The following RGSL1 variants were observed in gnomAD, a reference collection of about 807,000 sequenced individuals.
RGSL1 encodes the protein regulator of G protein signaling like 1.
A neutral mutation model predicts 124.7 loss-of-function variants in RGSL1; 97 were observed. The observed-to-expected ratio is 0.78, with a 90% CI of 0.66 to 0.92. RGSL1 has a LOEUF of 0.92. Among genes scored for constraint, RGSL1 ranks in the 40% least tolerant of loss-of-function variants. The pLI, the probability that RGSL1 is intolerant of heterozygous loss-of-function variation, is 0.00. For synonymous variants in RGSL1, 424 were observed against 438.1 expected, an observed-to-expected ratio of 0.97 and a Z score of 0.40; for missense variants, 1,233 against 1,288.4, an observed-to-expected ratio of 0.96 and a Z score of 0.66.
intron 7 of RGSL1, 26 bp from the exon 8 acceptor site, chr1:182,488,954 A>G: frequency 6.5e-7 from 1 of 1,534,796 alleles, no homozygotes; most frequent in Non-Finnish European, 8.8e-7. Context: ...AACAAATGCC[A>G]TCTTCCCCTC....
At chr1:182,531,221 C>T (rs1022966959) in intron 13 of RGSL1, among the ~76,000 whole-genome samples, 1 of 152,144 alleles carries the variant, frequency 6.6e-6, no homozygotes, top group African/African-American at 2.4e-5. Flanking sequence ...ACTGGTCTAA[C>T]GGAACAACTT....
chr1:182,516,690 CT>C (rs1657921383), intron 9 of RGSL1, among the ~76,000 whole-genome samples: 1 of 114,256 alleles, frequency 8.8e-6, no homozygotes, highest in South Asian at 2.9e-4. Flanking sequence ...GTTAATCTAT[CT>C]TAGATCATAA....
rs774441636 is a variant in RGSL1 at position 182,489,215 on chromosome 1, A to G, written c.1717+13A>G. The G allele has an allele frequency of 1.9e-6, 3 of 1,545,500 alleles. No individual in the cohort carries two copies. Among genetic ancestry groups the G allele is most frequent in the South Asian group, 2.4e-5 (2 of 82,560 alleles). ...GTGTTTCTAACAGGTCAGAGCAGTC[A>G]CTGTAATTTTTTTGACCTTTACATA... On this transcript the variant is annotated intron_variant, in intron 8 of 21. Transcript: ENST00000294854.
At chr1:182,529,956 C>T (rs1429403988) in intron 11 of RGSL1, among the ~76,000 whole-genome samples, 1 of 152,168 alleles carries the variant, frequency 6.6e-6, no homozygotes, top group East Asian at 1.9e-4. Context: ...GTTTTTCAAA[C>T]CAGCTGCAGA....
chr1:182,538,231 TA>T (rs1488054379), intron 14 of RGSL1, among the ~76,000 whole-genome samples: 2 of 152,148 alleles, frequency 1.3e-5, no homozygotes, highest in African/African-American at 4.8e-5. Context: ...GACGTTCCGA[TA>T]AAAAAGTTTC....
chr1:182,497,899 C>T (rs748899231), intron 9 of RGSL1, among the ~76,000 whole-genome samples: 1 of 152,080 alleles, frequency 6.6e-6, no homozygotes, highest in Non-Finnish European at 1.5e-5. Context: ...GTTCCCACCC[C>T]TCTTTTTGTA....
chr1:182,547,194 G>A (rs900881305), intron 15 of RGSL1, among the ~76,000 whole-genome samples: 17 of 152,224 alleles, frequency 1.1e-4, no homozygotes, highest in African/African-American at 3.9e-4. Flanking sequence ...AATGAGGATG[G>A]CAGAAAAGAC....
At chr1:182,468,272 T>A (rs537241490) in intron 4 of RGSL1, among the ~76,000 whole-genome samples, 3 of 152,184 alleles carry the variant, frequency 2.0e-5, no homozygotes, top group Non-Finnish European at 4.4e-5. Flanking sequence ...ACTGGGTACA[T>A]ACTGAAAGGA....
intron 10 of RGSL1, among the ~76,000 whole-genome samples, chr1:182,527,308 T>C (rs1658820014): frequency 6.6e-6 from 1 of 151,954 alleles, no homozygotes; most frequent in South Asian, 2.1e-4. Flanking sequence ...AAAAAGAGAA[T>C]TCCCTTGAAA....
At chr1:182,552,843 A>G (rs548473943) in intron 18 of RGSL1, among the ~76,000 whole-genome samples, 24 of 151,636 alleles carry the variant, frequency 1.6e-4, no homozygotes, top group Non-Finnish European at 2.8e-4. Context: ...TAACAAACCC[A>G]CTCCCATGAT....
intron 9 of RGSL1, among the ~76,000 whole-genome samples, chr1:182,515,419 C>G (rs770802087): frequency 6.6e-6 from 1 of 151,724 alleles, no homozygotes; most frequent in Non-Finnish European, 1.5e-5. Context: ...CTGCACGGAT[C>G]TGTTTAGATT....
upstream of RGSL1, chr1:182,450,051 G>C: frequency 8.1e-7 from 1 of 1,236,324 alleles, no homozygotes; most frequent in Non-Finnish European, 1.2e-6. Flanking sequence ...CTGCCAGATA[G>C]AATCTGGAAC....
intron 10 of RGSL1, among the ~76,000 whole-genome samples, chr1:182,522,389 G>A (rs1658415105): frequency 6.6e-6 from 1 of 152,150 alleles, no homozygotes; most frequent in Non-Finnish European, 1.5e-5. Context: ...CATGAGTGTA[G>A]TATAACTTAT....
intron 13 of RGSL1, among the ~76,000 whole-genome samples, 200 bp downstream of exon 13, chr1:182,531,110 A>T (rs1659143326): frequency 6.6e-6 from 1 of 152,160 alleles, no homozygotes; most frequent in Non-Finnish European, 1.5e-5. Context: ...GGACACATGG[A>T]GTTCTTCTAG....
intron 20 of RGSL1, chr1:182,555,788 C>A: frequency 5.7e-6 from 3 of 523,940 alleles, no homozygotes; most frequent in Non-Finnish European, 1.0e-5. Flanking sequence ...GCCCAGAAGA[C>A]AAACCAGATA....
At chr1:182,450,479 A>G (rs1340171857) in intron 1 of RGSL1, 2 of 447,558 alleles carry the variant, frequency 4.5e-6, no homozygotes, top group East Asian at 7.0e-5. Context: ...GTTTGAGATT[A>G]TGCAGTGATT....
intron 14 of RGSL1, among the ~76,000 whole-genome samples, chr1:182,535,897 C>T (rs953452025): frequency 2.4e-4 from 37 of 152,136 alleles, no homozygotes; most frequent in Admixed American, 2.2e-3. Context: ...TGCTTCATCA[C>T]AAGAAATTCC....
intron 1 of RGSL1, among the ~76,000 whole-genome samples, chr1:182,452,392 A>G (rs1651916075): frequency 6.6e-6 from 1 of 152,082 alleles, no homozygotes; most frequent in Admixed American, 6.5e-5. Flanking sequence ...AAAAAGATGT[A>G]TGTGAACAGA....
At position 182,522,054 on chromosome 1, in the gene RGSL1, A is replaced by G. The variant is rs1242960321; in HGVS notation, c.1876A>G (p.Arg626Gly). 1.9e-6 allele frequency: 3 copies of G among 1,549,354 alleles called. No individual in the cohort carries two copies. The highest frequency in any genetic ancestry group is 8.7e-7 in the Non-Finnish European group (1 of 1,146,380). Residue 626 changes from arginine to glycine, a missense_variant, in exon 10 of 22, where the codon AGG becomes GGG. By Grantham distance (125) the Arg-to-Gly change is moderately radical. Coordinates refer to ENST00000294854, the MANE Select transcript of RGSL1 (RefSeq NM_001137669.2). ...KETKTVSRSN[R>G]KMSLLKRTLV... ...AACAAAGACAGTTTCACGCTCAAAT[A>G]GGAAAATGTCCTTGCTCAAAAGAAC...
Sources: allele counts gnomAD v4.1 joint callset (sites outside exome capture counted in the v4.1 genomes callset), GRCh38; gene constraint gnomAD v4.1.1; transcripts MANE v1.5; gene names NCBI Gene and HGNC (gene_info 2026-07-23, HGNC 2026-07-21).